The following RORA variants were observed in gnomAD, a reference collection of about 807,000 sequenced individuals.
The protein encoded by RORA is nuclear receptor ROR-alpha.
RORA carries 7 observed loss-of-function variants against 69.5 expected under a neutral mutation model. That is an observed-to-expected ratio of 0.10 (90% confidence interval 0.06 to 0.19). RORA has a LOEUF of 0.19. Among genes scored for constraint, RORA ranks in the 10% least tolerant of loss-of-function variants. The probability of loss-of-function intolerance (pLI) is 1.00; values close to 1 mark genes in which losing one functional copy is unlikely to be tolerated. For synonymous variants in RORA, 261 were observed against 240.8 expected (o/e 1.08, Z -0.78); for missense variants, 457 against 663.0 (o/e 0.69, Z 3.41).
In RORA at chr15:60,875,248, GA is replaced by G. The variant is rs557307835; in HGVS notation, c.167-196563del. Among the ~76,000 whole-genome samples, 1,054 of 150,892 alleles carry G rather than the reference GA, an allele frequency of 7.0e-3. 8 individuals carry two copies. Among genetic ancestry groups the G allele is most frequent in the Non-Finnish European group, 0.01 (677 of 67,586 alleles). ...GATGCTTAATGCATATTTTTGGGAA[GA>G]AAAAAAAAGATAAAACATTTTGTTT... On this transcript the variant is annotated intron_variant, in intron 1 of 10. Coordinates refer to ENST00000335670, the MANE Select transcript of RORA (RefSeq NM_134261.3).
In RORA at chr15:60,537,389, A is replaced by G. The variant is rs945475876; in HGVS notation, c.197-5538T>C. Among the ~76,000 whole-genome samples the G allele has an allele frequency of 1.1e-4, 17 of 152,318 alleles. No homozygotes were observed. Among genetic ancestry groups the G allele is most frequent in the African/African-American group, 3.1e-4 (13 of 41,564 alleles). On this transcript the variant is annotated intron_variant, in intron 2 of 10. Transcript: ENST00000335670. The surrounding 1 kb of genome is among the most constrained non-coding windows in gnomAD (Gnocchi z 4.9). The stretch of plus-strand genomic sequence containing the variant: ...CCTGGAGAGAGGAAACCTTTCTTCA[A>G]TCTGTCTACCCAGACAAGCTCCCTT...
chr15:61,000,291 G>T (rs776578955), intron 1 of RORA, among the ~76,000 whole-genome samples: 49 of 152,164 alleles, frequency 3.2e-4, no homozygotes, highest in Non-Finnish European at 1.9e-4. Context: ...CTTAACGTGT[G>T]GCTTACACAG....
At chr15:61,039,256 A>C (rs1389622951) in intron 1 of RORA, 2 of 152,196 alleles carry the variant, frequency 1.3e-5, no homozygotes, top group Non-Finnish European at 2.9e-5. Flanking sequence ...AATGCTTGGG[A>C]GAGGGAGGTA....
At chr15:61,183,378 T>C (rs1431170863) in intron 1 of RORA, among the ~76,000 whole-genome samples, 1 of 151,930 alleles carries the variant, frequency 6.6e-6, no homozygotes, top group Non-Finnish European at 1.5e-5. Context: ...CTACTAAAAA[T>C]ACAAAAATTA....
At chr15:60,629,413 T>C (rs2069681597) in intron 2 of RORA, among the ~76,000 whole-genome samples, 1 of 150,364 alleles carries the variant, frequency 6.7e-6, no homozygotes, top group Non-Finnish European at 1.5e-5. Context: ...CTGTTTATTC[T>C]TTATTGTCTG....
At position 60,511,353 on chromosome 15, in the gene RORA, C is replaced by T. The variant is rs778730778; in HGVS notation, c.693G>A (p.Gln231=). The change falls in exon 5 of 11, where the codon CAG becomes CAA. Residue 231 remains glutamine (Q), a synonymous_variant. Coordinates refer to ENST00000335670, the MANE Select transcript of RORA (RefSeq NM_134261.3). The surrounding 1 kb of genome is among the most constrained non-coding windows in gnomAD (Gnocchi z 6.4). ...TGATTCCATTGATATCAAGACCTGA[C>T]TGGTCTGGGGAAGGCTGTATGTCCA... The part of the protein sequence containing the change: ...FYLDIQPSPD[Q]SGLDINGIKP... 2 of 1,614,072 alleles carry T rather than the reference C, an allele frequency of 1.2e-6. No individual in the cohort carries two copies. Among genetic ancestry groups the T allele is most frequent in the African/African-American group, 2.7e-5 (2 of 74,906 alleles).
chr15:60,630,872 G>C (rs2069720047), intron 2 of RORA, among the ~76,000 whole-genome samples: 1 of 149,658 alleles, frequency 6.7e-6, no homozygotes, highest in East Asian at 2.0e-4. Flanking sequence ...TGGCATTTGG[G>C]CCAGGATGAG....
At chr15:60,601,586 T>C (rs1393829899) in intron 2 of RORA, among the ~76,000 whole-genome samples, 3 of 152,214 alleles carry the variant, frequency 2.0e-5, no homozygotes, top group Admixed American at 6.5e-5. Context: ...AATGATTTCA[T>C]AGTTCATGAT....
intron 1 of RORA, among the ~76,000 whole-genome samples, chr15:60,983,727 G>C (rs1430178665): frequency 7.9e-5 from 12 of 152,104 alleles, no homozygotes; most frequent in Admixed American, 7.9e-4. Flanking sequence ...CTCCCACTTT[G>C]AGTTGTCCCG....
intron 2 of RORA, among the ~76,000 whole-genome samples, chr15:60,604,812 C>T (rs1481365961): frequency 6.6e-6 from 1 of 152,162 alleles, no homozygotes; most frequent in African/African-American, 2.4e-5. Context: ...AATTTCCTCT[C>T]CTGTACAACT....
intron 1 of RORA, among the ~76,000 whole-genome samples, chr15:60,873,180 A>C (rs892580902): frequency 3.3e-5 from 5 of 151,304 alleles, no homozygotes; most frequent in African/African-American, 1.2e-4. Flanking sequence ...CTCTCTCCCT[A>C]ACACATCCTC....
chr15:60,592,244 G>A, intron 2 of RORA: 1 of 468,210 alleles, frequency 2.1e-6, no homozygotes, highest in Non-Finnish European at 3.2e-6. Context: ...CGGTGGCCCA[G>A]AAGGCCCTGG....
At chr15:60,944,526 G>C (rs1168569699) in intron 1 of RORA, among the ~76,000 whole-genome samples, 1 of 152,054 alleles carries the variant, frequency 6.6e-6, no homozygotes, top group Non-Finnish European at 1.5e-5. Context: ...AGACCAGCTT[G>C]GGCAACATAG....
intron 1 of RORA, among the ~76,000 whole-genome samples, chr15:60,819,884 G>T (rs1270195974): frequency 6.6e-6 from 1 of 152,086 alleles, no homozygotes; most frequent in East Asian, 1.9e-4. Flanking sequence ...CAAGAGGGAG[G>T]CTCCTTAAGT....
chr15:60,968,807 G>A (rs573258867), intron 1 of RORA, among the ~76,000 whole-genome samples: 17 of 151,678 alleles, frequency 1.1e-4, no homozygotes, highest in African/African-American at 3.4e-4. Flanking sequence ...CAGTAAATTC[G>A]CATCAGTACA....
chr15:61,126,936 A>G (rs1003986140), intron 1 of RORA, among the ~76,000 whole-genome samples: 1 of 152,218 alleles, frequency 6.6e-6, no homozygotes, highest in Non-Finnish European at 1.5e-5. Flanking sequence ...TTCTTCCAAT[A>G]TATTTTTGGC....
chr15:60,950,764 T>C (rs1489410165), intron 1 of RORA, among the ~76,000 whole-genome samples: 2 of 104,302 alleles, frequency 1.9e-5, no homozygotes, highest in Admixed American at 1.0e-4. Flanking sequence ...ATGCACCCAA[T>C]ACAGGAGCAC....
At chr15:60,705,695 C>T (rs941181536) in intron 1 of RORA, among the ~76,000 whole-genome samples, 2 of 152,138 alleles carry the variant, frequency 1.3e-5, no homozygotes, top group Admixed American at 1.3e-4. Context: ...CTTCACCAAC[C>T]AACCAACTGA....
chr15:61,050,810 G>A (rs955299948), intron 1 of RORA, among the ~76,000 whole-genome samples: 5 of 152,124 alleles, frequency 3.3e-5, no homozygotes, highest in African/African-American at 4.8e-5. Context: ...TTATCATAAT[G>A]AATAGGTACT....
Sources: gnomAD v4.1 joint callset for allele counts (sites outside exome capture counted in the v4.1 genomes callset) on GRCh38, gnomAD v4.1.1 for gene constraint, Gnocchi (gnomAD v3.1) non-coding constraint, MANE v1.5 for transcripts, NCBI Gene and HGNC (gene_info 2026-07-23, HGNC 2026-07-21) for gene names.